The following BPHL variants were observed in gnomAD, a reference collection of about 807,000 sequenced individuals.
BPHL encodes the protein serine hydrolase BPHL.
A neutral mutation model predicts 31.2 loss-of-function variants in BPHL; 27 were observed. The observed-to-expected ratio is 0.87, with a 90% CI of 0.64 to 1.19. BPHL has a LOEUF of 1.19. Among genes scored for constraint, BPHL ranks in the 50% most tolerant of loss-of-function variants. The pLI, the probability that BPHL is intolerant of heterozygous loss-of-function variation, is 0.00. For missense variants in BPHL, 356 were observed against 375.7 expected (o/e 0.95, Z 0.43); for synonymous variants, 150 against 146.8 (o/e 1.02, Z -0.16).
At chr6:3,135,910 C>T (rs540217542) in intron 4 of BPHL, among the ~76,000 whole-genome samples, 1 of 152,168 alleles carries the variant, frequency 6.6e-6, no homozygotes, top group Non-Finnish European at 1.5e-5. Flanking sequence ...CAGGTTGGGG[C>T]CATTTTTAGC....
chr6:3,119,602 G>A, intron 1 of BPHL: 1 of 1,537,576 alleles, frequency 6.5e-7, no homozygotes, highest in East Asian at 2.2e-5. Flanking sequence ...GGGCAGAAAT[G>A]TGGATAGAGC....
intron 1 of BPHL, among the ~76,000 whole-genome samples, chr6:3,120,709 C>G (rs577564847): frequency 6.6e-6 from 1 of 152,154 alleles, no homozygotes. Flanking sequence ...TGGGTCAGGT[C>G]AAGAAAAGCC....
chr6:3,134,892 G>A (rs982697090), intron 4 of BPHL, among the ~76,000 whole-genome samples: 17 of 151,894 alleles, frequency 1.1e-4, no homozygotes, highest in South Asian at 2.1e-4. Context: ...ATGAACCACC[G>A]CGCCTGGCCA....
At chr6:3,133,212 T>C (rs1761919453) in intron 4 of BPHL, among the ~76,000 whole-genome samples, 1 of 150,840 alleles carries the variant, frequency 6.6e-6, no homozygotes, top group Non-Finnish European at 1.5e-5. Flanking sequence ...TCCCCCACAC[T>C]GCGGCCTGCA....
At chr6:3,137,846 A>G in intron 5 of BPHL, among the ~76,000 whole-genome samples, 1 of 152,232 alleles carries the variant, frequency 6.6e-6, no homozygotes, top group South Asian at 2.1e-4. Flanking sequence ...TCGAAAATAA[A>G]TAGGCCACAA....
intron 1 of BPHL, among the ~76,000 whole-genome samples, chr6:3,122,246 C>T (rs529976135): frequency 2.0e-5 from 3 of 152,272 alleles, no homozygotes; most frequent in African/African-American, 4.8e-5. Context: ...CGCCACTGCA[C>T]TCCAGCCTGG....
At position 3,126,513 on chromosome 6, in the gene BPHL, G is replaced by T. The variant is rs534607070; in HGVS notation, c.212-729G>T. Among the ~76,000 whole-genome samples, 365 of 151,672 alleles carry T rather than the reference G, an allele frequency of 2.4e-3. 1 individual carries two copies. Among genetic ancestry groups the T allele is most frequent in the African/African-American group, 8.7e-3 (359 of 41,338 alleles). On this transcript the variant is annotated intron_variant, in intron 2 of 6. Coordinates refer to ENST00000380379, the MANE Select transcript of BPHL (RefSeq NM_004332.4). ...AAGCAAAGGAAGACCCAGGGCCTCT[G>T]TCTTTCTCAAAATAGCCACCAGGGG...
chr6:3,132,852 C>T (rs1255420813), intron 4 of BPHL, among the ~76,000 whole-genome samples: 1 of 151,968 alleles, frequency 6.6e-6, no homozygotes, highest in Non-Finnish European at 1.5e-5. Flanking sequence ...ACAACAACAA[C>T]CAAAAGAAAA....
chr6:3,132,119 T>C (rs3757083), intron 4 of BPHL, among the ~76,000 whole-genome samples: 166 of 152,262 alleles, frequency 1.1e-3, no homozygotes, highest in African/African-American at 3.5e-3. Context: ...CCCTCCTGGC[T>C]ACTCTTTCTT....
chr6:3,126,245 T>TA (rs199841590), intron 2 of BPHL, among the ~76,000 whole-genome samples: 1,699 of 142,306 alleles, frequency 0.012, 15 homozygotes, highest in East Asian at 0.055. Flanking sequence ...CTTAGCTTAG[T>TA]AAAAAAAAAA....
intron 6 of BPHL, among the ~76,000 whole-genome samples, chr6:3,144,314 G>T (rs1055238788): frequency 5.3e-5 from 8 of 151,420 alleles, no homozygotes; most frequent in African/African-American, 1.7e-4. Flanking sequence ...TGATGCACCC[G>T]CCTCGGCCTC....
chr6:3,144,268 G>A (rs963833569), intron 6 of BPHL, among the ~76,000 whole-genome samples: 3 of 151,890 alleles, frequency 2.0e-5, no homozygotes, highest in East Asian at 1.9e-4. Context: ...GGGGTTTCAC[G>A]GCGTTAGCCA....
intron 4 of BPHL, among the ~76,000 whole-genome samples, chr6:3,134,216 A>G (rs991248598): frequency 6.6e-6 from 1 of 152,070 alleles, no homozygotes; most frequent in Non-Finnish European, 1.5e-5. Context: ...TGTAACAACA[A>G]AACGACCCCG....
intron 3 of BPHL, among the ~76,000 whole-genome samples, chr6:3,128,493 A>G (rs1196975785): frequency 6.6e-6 from 1 of 151,784 alleles, no homozygotes; most frequent in Non-Finnish European, 1.5e-5. Context: ...ATCTTTGTCC[A>G]TTTTCCCTGC....
chr6:3,147,198 C>T (rs2050148), intron 6 of BPHL, among the ~76,000 whole-genome samples: 96,777 of 151,810 alleles, frequency 0.64, 31,305 homozygotes, highest in Non-Finnish European at 0.69. Flanking sequence ...GAGGTGGAGG[C>T]TGCAGTGAGC....
chr6:3,124,278 A>G (rs1451995198), intron 2 of BPHL: 1 of 152,128 alleles, frequency 6.6e-6, no homozygotes, highest in East Asian at 1.9e-4. Context: ...CTCTCAATAT[A>G]TGGGCCATAA....
chr6:3,153,300 T>G lies in BPHL; in HGVS notation c.*725T>G, dbSNP rs956373301. On this transcript the variant is annotated 3_prime_UTR_variant, in exon 7 of 7. Transcript: ENST00000380379. The stretch of plus-strand genomic sequence containing the variant: ...ACTTGTGTTTTTATTTGTGTTTATC[T>G]ATCATATTCAAAGAGAAGTAGGGAG... 1.2e-5 allele frequency: 2 copies of G among 160,650 alleles called. No individual in the cohort carries two copies. Among genetic ancestry groups the G allele is most frequent in the Non-Finnish European group, 2.8e-5 (2 of 72,544 alleles). 10.0% of individuals were successfully genotyped at this position (160,650 alleles called of 1,614,324 possible). A position where few individuals can be genotyped will look rare whatever the true frequency, so the allele number is the denominator to read the frequency against.
chr6:3,128,934 T>G (rs1029489906), intron 3 of BPHL, 111 bp from the exon 4 acceptor site: 1 of 1,501,340 alleles, frequency 6.7e-7, no homozygotes, highest in Non-Finnish European at 9.3e-7. Context: ...CTTTTCTGAC[T>G]AATTGATACT....
intron 6 of BPHL, among the ~76,000 whole-genome samples, chr6:3,142,871 T>G (rs1762218109): frequency 6.6e-6 from 1 of 152,182 alleles, no homozygotes; most frequent in Non-Finnish European, 1.5e-5. Flanking sequence ...CAAGAAAGTT[T>G]AATTTAGGAA....
Sources: allele counts gnomAD v4.1 joint callset (sites outside exome capture counted in the v4.1 genomes callset), GRCh38; gene constraint gnomAD v4.1.1; transcripts MANE v1.5; gene names NCBI Gene and HGNC (gene_info 2026-07-23, HGNC 2026-07-21).